Variants in THAP8 observed in about 807,000 individuals in gnomAD.
THAP8 encodes THAP domain-containing protein 8.
In THAP8, 24 loss-of-function variants were observed where a neutral mutation model predicts 25.0. The ratio of observed to expected loss-of-function variants is 0.96; its 90% CI spans 0.69 to 1.35. THAP8 has a LOEUF of 1.35. Ranked by LOEUF, THAP8 falls within the 40% of genes most tolerant of loss-of-function variation. The probability of loss-of-function intolerance (pLI) is 0.00; values close to 1 mark genes in which losing one functional copy is unlikely to be tolerated. For synonymous variants in THAP8, 169 were observed against 157.6 expected, an observed-to-expected ratio of 1.07 and a Z score of -0.54; for missense variants, 399 against 368.8, an observed-to-expected ratio of 1.08 and a Z score of -0.67.
intron 1 of THAP8, 92 bp from the exon 2 acceptor site, chr19:36,040,228 A>C (rs1391405678): frequency 7.5e-7 from 1 of 1,325,160 alleles, no homozygotes; most frequent in South Asian, 1.5e-5. Flanking sequence ...CTGGGCTCCA[A>C]GCCTGTGCCT....
chr19:36,051,495 A>C (rs1970054410), intron 1 of THAP8, among the ~76,000 whole-genome samples: 1 of 151,782 alleles, frequency 6.6e-6, no homozygotes, highest in African/African-American at 2.4e-5. Flanking sequence ...TGACGGTGGG[A>C]GCAGGGAGAC....
upstream of THAP8, chr19:36,054,403 T>C (rs1021942828): frequency 1.5e-6 from 1 of 664,944 alleles, no homozygotes; most frequent in African/African-American, 1.8e-5. Flanking sequence ...AGTGCCACAG[T>C]CCCGCCCTCG....
intron 3 of THAP8, among the ~76,000 whole-genome samples, chr19:36,038,430 T>C (rs542674832): frequency 1.2e-4 from 18 of 152,226 alleles, no homozygotes; most frequent in African/African-American, 4.1e-4. Context: ...CTAATTTTTG[T>C]GTTTTAGTGA....
At chr19:36,038,612 G>T (rs902118147) in intron 3 of THAP8, among the ~76,000 whole-genome samples, 4 of 152,172 alleles carry the variant, frequency 2.6e-5, no homozygotes, top group Non-Finnish European at 5.9e-5. Flanking sequence ...AGCATTTTGG[G>T]ACGCCAAGGC....
rs755147962 is a variant in THAP8, at chr19:36,040,149, T to C, written c.84-13A>G. On this transcript the variant is annotated splice_polypyrimidine_tract_variant and intron_variant, in intron 1 of 3. Coordinates refer to ENST00000292894, the MANE Select transcript of THAP8 (RefSeq NM_152658.3). ...CTTCAGTGGGAACCTGCATGGGTGG[T>C]TGGGGGGCTGGGTCAGTGCTACGAG... The C allele has an allele frequency of 1.2e-5, 19 of 1,595,760 alleles. No homozygotes were observed. The highest frequency in any genetic ancestry group is 4.0e-5 in the African/African-American group (3 of 74,688).
intron 1 of THAP8, chr19:36,045,965 T>C (rs1318331013): frequency 2.3e-6 from 1 of 441,432 alleles, no homozygotes; most frequent in Non-Finnish European, 4.5e-6. Flanking sequence ...CATGGGAAAC[T>C]AATAGTGTAA....
rs186230844 is a variant in THAP8, at chr19:36,038,465, C to T, written c.672+858G>A. ...AGACAGTCTTACCATGTTGTCCAGG[C>T]TGGTCTTGAACTCCTAGGTTCAAGC... On this transcript the variant is annotated intron_variant, in intron 3 of 3. Coordinates refer to ENST00000292894, the MANE Select transcript of THAP8 (RefSeq NM_152658.3). 1.1e-3 allele frequency among the ~76,000 whole-genome samples: 164 copies of T among 152,140 alleles called. 2 individuals carry two copies. The highest frequency in any genetic ancestry group is 0.01 in the Middle Eastern group (3 of 294).
rs563800305 is a variant in THAP8 at position 36,039,215 on chromosome 19, C to T, written c.672+108G>A. 6.0e-5 allele frequency: 82 copies of T among 1,364,882 alleles called. No individual in the cohort carries two copies. The South Asian group carries it at 1.1e-3, about 18-fold the overall frequency. The allele number at this position is 1,364,882 out of a possible 1,614,324, so 84.5% of individuals were successfully genotyped here. ...CGGGAAAGCCAGAAATTTGGAAACA[C>T]GGCTGAATGTTCTGATTTTTGAATA... On this transcript the variant is annotated intron_variant, in intron 3 of 3. Coordinates refer to ENST00000292894, the MANE Select transcript of THAP8 (RefSeq NM_152658.3).
chr19:36,041,737 C>T (rs1052352501), intron 1 of THAP8, among the ~76,000 whole-genome samples: 5 of 152,214 alleles, frequency 3.3e-5, no homozygotes, highest in Non-Finnish European at 7.4e-5. Context: ...AGTATCAGAA[C>T]CCTGATGAAA....
chr19:36,038,974 G>A (rs1451076381), intron 3 of THAP8, among the ~76,000 whole-genome samples: 2 of 152,212 alleles, frequency 1.3e-5, no homozygotes, highest in African/African-American at 4.8e-5. Context: ...TAAGTATTTA[G>A]TATTAGTAAA....
chr19:36,047,246 A>T (rs1399628486), intron 1 of THAP8, among the ~76,000 whole-genome samples: 1 of 152,146 alleles, frequency 6.6e-6, no homozygotes, highest in Non-Finnish European at 1.5e-5. Context: ...TTACTAATGT[A>T]ACTCAAAATT....
rs754572099 is a variant in THAP8 at position 36,054,210 on chromosome 19, T to C, written c.8A>G (p.Lys3Arg). Residue 3 changes from lysine to arginine, a missense_variant, in exon 1 of 4, where the codon AAG becomes AGG. Lys to Arg is a conservative substitution (Grantham distance 26). Coordinates refer to ENST00000292894, the MANE Select transcript of THAP8 (RefSeq NM_152658.3). ...GGAGCAGTTCGGCGCCCTGCAGTACTTGGGCATGGCTATCCAGCCCCCGCT... is the reference window on the plus strand; with the variant it reads ...GGAGCAGTTCGGCGCCCTGCAGTACCTGGGCATGGCTATCCAGCCCCCGCT... MPKYCRAPNCSNT... is the reference protein window; with the variant it reads MPRYCRAPNCSNT... 20 of 1,613,546 alleles carry C rather than the reference T, an allele frequency of 1.2e-5. No homozygotes were observed. In the South Asian group the frequency reaches 1.6e-4, roughly 13 times the overall value.
Position 36,039,478 on chromosome 19 carries a change from G to GTGCT in THAP8, c.516_517insAGCA (p.Leu173SerfsTer62). ...TGCAGTGCTCCCAGCACTGGGCCCA[G>GTGCT]CCCGGTCTGGGCCTGTTGGGCAGGG... On this transcript the variant is annotated frameshift_variant, in exon 3 of 4. Coordinates refer to ENST00000292894, the MANE Select transcript of THAP8 (RefSeq NM_152658.3). LOFTEE classifies it high-confidence loss of function. 6.3e-7 allele frequency: 1 copy of GTGCT among 1,596,844 alleles called. No homozygotes were observed. The highest frequency in any genetic ancestry group is 8.5e-7 in the Non-Finnish European group (1 of 1,170,270).
At chr19:36,040,879 G>C (rs544829692) in intron 1 of THAP8, among the ~76,000 whole-genome samples, 1 of 152,162 alleles carries the variant, frequency 6.6e-6, no homozygotes, top group South Asian at 2.1e-4. Context: ...GGGGGTGTGG[G>C]GTTTCTGGAT....
intron 1 of THAP8, among the ~76,000 whole-genome samples, chr19:36,053,494 G>A (rs1046075005): frequency 3.4e-5 from 5 of 148,720 alleles, no homozygotes; most frequent in Non-Finnish European, 7.4e-5. Flanking sequence ...GGTCGAGGTT[G>A]CAGTGAGCTG....
intron 1 of THAP8, among the ~76,000 whole-genome samples, chr19:36,042,302 G>C (rs1369610779): frequency 6.6e-6 from 1 of 151,988 alleles, no homozygotes; most frequent in African/African-American, 2.4e-5. Context: ...CACAAAACAG[G>C]GTCTTGGAGA....
At chr19:36,054,312 C>G (rs1970216740), upstream of THAP8, 4 of 1,435,496 alleles carry the variant, frequency 2.8e-6, no homozygotes, top group South Asian at 4.9e-5. Context: ...CGCTCGCCGC[C>G]TGCCTCACGT....
chr19:36,054,040 G>C, intron 1 of THAP8, 95 bp downstream of exon 1: 1 of 1,406,588 alleles, frequency 7.1e-7, no homozygotes, highest in African/African-American at 1.4e-5. Context: ...ACACCCTCAA[G>C]CAAGACCAGA....
At chr19:36,040,876 T>TGG (rs1179204072) in intron 1 of THAP8, among the ~76,000 whole-genome samples, 1 of 152,066 alleles carries the variant, frequency 6.6e-6, no homozygotes, top group East Asian at 1.9e-4. Context: ...AATGGGGGTG[T>TGG]GGGGTTTCTG....
Sources: gnomAD v4.1 joint callset for allele counts (sites outside exome capture counted in the v4.1 genomes callset) on GRCh38, gnomAD v4.1.1 for gene constraint, MANE v1.5 for transcripts, NCBI Gene and HGNC (gene_info 2026-07-23, HGNC 2026-07-21) for gene names.